FHIP1A: variants seen among roughly 807,000 people sequenced by gnomAD.
FHIP1A encodes FHF complex subunit HOOK interacting protein 1A.
Under a neutral mutation model 88.6 loss-of-function variants are expected in FHIP1A, and 61 were observed. The observed-to-expected ratio is 0.69, with a 90% CI of 0.56 to 0.85. The LOEUF (loss-of-function observed/expected upper bound fraction) is 0.85, where lower values mean the gene tolerates loss of function less well. FHIP1A is among the 40% of genes least tolerant of loss of function. FHIP1A has a pLI of 0.00. For synonymous variants in FHIP1A, 478 were observed against 496.0 expected, an observed-to-expected ratio of 0.96 and a Z score of 0.48; for missense variants, 1,154 against 1,273.5, an observed-to-expected ratio of 0.91 and a Z score of 1.43.
chr4:151,601,366 T>C (rs1354889403), intron 7 of FHIP1A, among the ~76,000 whole-genome samples: 1 of 151,952 alleles, frequency 6.6e-6, no homozygotes, highest in East Asian at 1.9e-4. Context: ...GCATGCTTAT[T>C]TACCAGTATC....
intron 8 of FHIP1A, among the ~76,000 whole-genome samples, chr4:151,633,637 A>G (rs1362147335): frequency 6.6e-6 from 1 of 151,962 alleles, no homozygotes; most frequent in African/African-American, 2.4e-5. Flanking sequence ...CTAGAATGCA[A>G]TGATACTTCA....
At chr4:151,614,276 C>T (rs1486922894) in intron 7 of FHIP1A, among the ~76,000 whole-genome samples, 4 of 152,000 alleles carry the variant, frequency 2.6e-5, no homozygotes, top group Non-Finnish European at 5.9e-5. Flanking sequence ...TAAGACCATC[C>T]TGGGCAACAT....
At chr4:151,542,098 T>C (rs1389392516) in intron 3 of FHIP1A, among the ~76,000 whole-genome samples, 1 of 152,070 alleles carries the variant, frequency 6.6e-6, no homozygotes, top group East Asian at 1.9e-4. Flanking sequence ...TTTTTTTTCT[T>C]TTTTGCCCAG....
intron 3 of FHIP1A, among the ~76,000 whole-genome samples, chr4:151,484,428 A>C (rs1219597454): frequency 1.3e-5 from 2 of 152,208 alleles, no homozygotes; most frequent in African/African-American, 4.8e-5. Context: ...TGAAGAGTAC[A>C]AAAACAAATA....
At chr4:151,641,004 C>G (rs1334503257) in intron 9 of FHIP1A, among the ~76,000 whole-genome samples, 3 of 151,640 alleles carry the variant, frequency 2.0e-5, no homozygotes, top group African/African-American at 7.3e-5. Context: ...GATAAATATA[C>G]CAGGAAAGTG....
At chr4:151,603,242 G>T (rs909817876) in intron 7 of FHIP1A, among the ~76,000 whole-genome samples, 12 of 152,036 alleles carry the variant, frequency 7.9e-5, no homozygotes, top group Non-Finnish European at 4.4e-5. Flanking sequence ...GAACCTGGGA[G>T]GTGGAGGTTG....
At chr4:151,661,954 G>A (rs1737474518) in intron 13 of FHIP1A, among the ~76,000 whole-genome samples, 1 of 152,178 alleles carries the variant, frequency 6.6e-6, no homozygotes, top group African/African-American at 2.4e-5. Flanking sequence ...AACGTTGGAG[G>A]TCCTGGCCAG....
intron 7 of FHIP1A, among the ~76,000 whole-genome samples, chr4:151,598,356 C>A (rs1734732078): frequency 6.6e-6 from 1 of 152,182 alleles, no homozygotes; most frequent in Admixed American, 6.5e-5. Context: ...CGTTGGTAGG[C>A]TGCACCCACT....
chr4:151,506,319 C>A (rs1210252697), intron 3 of FHIP1A, among the ~76,000 whole-genome samples: 1 of 152,112 alleles, frequency 6.6e-6, no homozygotes, highest in Non-Finnish European at 1.5e-5. Flanking sequence ...ACTGAGTTTT[C>A]TATGAACTTT....
intron 3 of FHIP1A, among the ~76,000 whole-genome samples, chr4:151,511,843 C>T (rs955185989): frequency 3.1e-4 from 47 of 152,250 alleles, no homozygotes; most frequent in African/African-American, 7.5e-4. Flanking sequence ...CTGTAGGCTC[C>T]GCCTCTGGGG....
intron 7 of FHIP1A, among the ~76,000 whole-genome samples, chr4:151,624,582 G>T (rs1735880542): frequency 6.6e-6 from 1 of 152,168 alleles, no homozygotes; most frequent in South Asian, 2.1e-4. Flanking sequence ...TTGAAGAAAT[G>T]CTGGGAGAAA....
chr4:151,603,799 C>T (rs1477688310), intron 7 of FHIP1A, among the ~76,000 whole-genome samples: 1 of 152,200 alleles, frequency 6.6e-6, no homozygotes, highest in African/African-American at 2.4e-5. Flanking sequence ...ATAGTGCCAA[C>T]CTTTTCCTGC....
chr4:151,446,410 C>T (rs1287912233), intron 1 of FHIP1A, among the ~76,000 whole-genome samples: 1 of 151,252 alleles, frequency 6.6e-6, no homozygotes, highest in African/African-American at 2.4e-5. Context: ...TCTGGATATA[C>T]TGTACATATA....
chr4:151,469,981 G>A lies in FHIP1A; in HGVS notation c.-247-12543G>A, dbSNP rs1453163407. Among the ~76,000 whole-genome samples the A allele has an allele frequency of 6.6e-5, 10 of 152,296 alleles. No individual in the cohort carries two copies. The East Asian group carries it at 1.9e-3, about 29-fold the overall frequency. ...TTGCACATAAAAGTTTGCTGTGGAA[G>A]AGTAGCAAATGTAAGATAAATTGAG... On this transcript the variant is annotated intron_variant, in intron 2 of 13. Coordinates refer to ENST00000435205, the MANE Select transcript of FHIP1A (RefSeq NM_001109977.3).
chr4:151,583,670 A>C (rs1035720504), intron 5 of FHIP1A, among the ~76,000 whole-genome samples: 2 of 152,250 alleles, frequency 1.3e-5, no homozygotes, highest in African/African-American at 4.8e-5. Flanking sequence ...AGAATTCAGG[A>C]GTATGCAGAA....
chr4:151,465,149 C>T (rs771662531), intron 2 of FHIP1A, among the ~76,000 whole-genome samples: 3 of 152,130 alleles, frequency 2.0e-5, no homozygotes, highest in Non-Finnish European at 2.9e-5. Context: ...GAGCTGTGAT[C>T]GCACCATTGC....
At chr4:151,525,540 C>T (rs1012189350) in intron 3 of FHIP1A, among the ~76,000 whole-genome samples, 2 of 152,058 alleles carry the variant, frequency 1.3e-5, no homozygotes, top group Non-Finnish European at 2.9e-5. Context: ...GCAGATGCCC[C>T]CAACAAATTG....
intron 5 of FHIP1A, among the ~76,000 whole-genome samples, chr4:151,582,928 C>G (rs1256060660): frequency 1.3e-5 from 2 of 152,082 alleles, no homozygotes; most frequent in African/African-American, 4.8e-5. Context: ...ATCTCTTAAC[C>G]TAGAAAAGTT....
chr4:151,596,016 C>G (rs1296140746), intron 7 of FHIP1A, among the ~76,000 whole-genome samples: 1 of 152,108 alleles, frequency 6.6e-6, no homozygotes, highest in African/African-American at 2.4e-5. Flanking sequence ...GCATTTAGCC[C>G]ATTTACATTT....
Sources: gnomAD v4.1 joint callset for allele counts (sites outside exome capture counted in the v4.1 genomes callset) on GRCh38, gnomAD v4.1.1 for gene constraint, MANE v1.5 for transcripts, NCBI Gene and HGNC (gene_info 2026-07-23, HGNC 2026-07-21) for gene names.